Variants in NUP88 observed in about 807,000 individuals in gnomAD.
NUP88 encodes the protein nuclear pore complex protein Nup88.
Under a neutral mutation model 93.9 loss-of-function variants are expected in NUP88, and 57 were observed. The observed-to-expected ratio is 0.61, with a 90% CI of 0.49 to 0.76. NUP88 has a LOEUF of 0.76. Ranked by LOEUF, NUP88 falls within the 30% of genes least tolerant of loss-of-function variation. The probability of loss-of-function intolerance (pLI) is 0.00; values close to 1 mark genes in which losing one functional copy is unlikely to be tolerated. For synonymous variants in NUP88, 346 were observed against 336.8 expected, an observed-to-expected ratio of 1.03 and a Z score of -0.30; for missense variants, 911 against 901.0, an observed-to-expected ratio of 1.01 and a Z score of -0.14.
chr17:5,387,791 T>G lies in NUP88; in HGVS notation c.1757A>C (p.Glu586Ala). The change falls in exon 12 of 17, where the codon GAG becomes GCG. Residue 586 changes from glutamate (E) to alanine (A), a missense_variant. Transcript: ENST00000573584. ...YILKQDLAKE[E>A]IQRRVKLLCD... ...CAGGACATCATACCTCCGCTGAATCTCCTCCTTTGCCAAGTCCTGTTTGAG... is the reference window on the plus strand; with the variant it reads ...CAGGACATCATACCTCCGCTGAATCGCCTCCTTTGCCAAGTCCTGTTTGAG... The G allele has an allele frequency of 1.9e-6, 3 of 1,612,332 alleles. No individual in the cohort carries two copies. Among genetic ancestry groups the G allele is most frequent in the Non-Finnish European group, 2.5e-6 (3 of 1,179,358 alleles).
At chr17:5,390,921 C>T (rs1440237246) in intron 10 of NUP88, among the ~76,000 whole-genome samples, 2 of 152,124 alleles carry the variant, frequency 1.3e-5, no homozygotes, top group African/African-American at 4.8e-5. Context: ...ATCTCGAACT[C>T]TGGGCCTCCC....
At chr17:5,394,668 G>A (rs1286567195) in intron 9 of NUP88, among the ~76,000 whole-genome samples, 1 of 152,070 alleles carries the variant, frequency 6.6e-6, no homozygotes, top group African/African-American at 2.4e-5. Flanking sequence ...CTGGGGCTGG[G>A]GCTGGGGAAG....
intron 16 of NUP88, 46 bp downstream of exon 16, chr17:5,386,662 G>A (rs757885962): frequency 1.5e-6 from 2 of 1,294,480 alleles, no homozygotes; most frequent in Non-Finnish European, 2.2e-6. Flanking sequence ...ATACTGTAAA[G>A]GAAAAACTAT....
chr17:5,386,028 C>A lies in NUP88; in HGVS notation c.*178G>T, dbSNP rs1168920109. On this transcript the variant is annotated 3_prime_UTR_variant, in exon 17 of 17. Transcript: ENST00000573584. ...GTAGGCTTGAGTTATAAAGCACATTCCAAATTTTAAATAAAAGCATTTACT... is the reference window on the plus strand; with the variant it reads ...GTAGGCTTGAGTTATAAAGCACATTACAAATTTTAAATAAAAGCATTTACT... The A allele has an allele frequency of 1.8e-6, 1 of 553,496 alleles. No individual in the cohort carries two copies. The highest frequency in any genetic ancestry group is 2.8e-5 in the South Asian group (1 of 35,984). The allele number at this position is 553,496 out of a possible 1,614,324, so 34.3% of individuals were successfully genotyped here. A position where few individuals can be genotyped will look rare whatever the true frequency, so the allele number is the denominator to read the frequency against.
intron 7 of NUP88, among the ~76,000 whole-genome samples, chr17:5,400,321 A>C (rs933508256): frequency 5.3e-5 from 8 of 151,778 alleles, no homozygotes; most frequent in Non-Finnish European, 1.2e-4. Flanking sequence ...ACATGGTGAA[A>C]ACCCGTCTCT....
chr17:5,418,144 C>CA lies in NUP88; in HGVS notation c.297+1209dup, dbSNP rs112597300. On this transcript the variant is annotated intron_variant, in intron 1 of 16. Coordinates refer to ENST00000573584, the MANE Select transcript of NUP88 (RefSeq NM_002532.6). ...GGGCAACAAGAGCGAAACTCCATCT[C>CA]AAAAAAAAAAAAAAGACACAAAATA... is the stretch of plus-strand genomic sequence containing the variant. The CA allele has an allele frequency of 1.9e-3, 239 of 122,720 alleles. 1 individual carries two copies. The highest frequency in any genetic ancestry group is 4.6e-3 in the Admixed American group (55 of 12,068). The allele number at this position is 122,720 out of a possible 1,614,324, so 7.6% of individuals were successfully genotyped here.
At chr17:5,395,150 C>T (rs913349980) in intron 8 of NUP88, among the ~76,000 whole-genome samples, 169 bp from the exon 9 acceptor site, 6 of 152,128 alleles carry the variant, frequency 3.9e-5, no homozygotes, top group African/African-American at 1.4e-4. Flanking sequence ...TCTAGATTTC[C>T]GCCCCAAGAA....
chr17:5,412,742 T>C (rs1328398746), intron 3 of NUP88, among the ~76,000 whole-genome samples: 2 of 151,162 alleles, frequency 1.3e-5, no homozygotes, highest in African/African-American at 2.4e-5. Context: ...TGGAACGAGA[T>C]TCAAACAAGA....
Position 5,386,677 on chromosome 17 carries a change from CGATAATAGCTGAT to C in NUP88, c.2162+18_2162+30del. 7.2e-7 allele frequency: 1 copy of C among 1,384,016 alleles called. No homozygotes were observed. The highest frequency in any genetic ancestry group is 1.2e-5 in the South Asian group (1 of 85,972). 85.7% of individuals were successfully genotyped at this position (1,384,016 alleles called of 1,614,324 possible). A position where few individuals can be genotyped will look rare whatever the true frequency, so the allele number is the denominator to read the frequency against. On this transcript the variant is annotated intron_variant, in intron 16 of 16. Transcript: ENST00000573584. ...ATACTGTAAAGGAAAAACTATCTCA[CGATAATAGCTGAT>C]TGGAAGTATTTACTTACTCCTCTTT...
At position 5,419,467 on chromosome 17, in the gene NUP88, A is replaced by C. The variant is rs184554383; in HGVS notation, c.184T>G (p.Phe62Val). The stretch of plus-strand genomic sequence containing the variant: ...AGGAAAAGCTCTCCGCCGAGGCCAA[A>C]GACCACGTTTCTCGTCAGCAACTGC... ...PPQLLTRNVV[F>V]GLGGELFLWD... Residue 62 changes from phenylalanine to valine, a missense_variant, in exon 1 of 17, where the codon TTT becomes GTT. Coordinates refer to ENST00000573584, the MANE Select transcript of NUP88 (RefSeq NM_002532.6). 24 of 1,614,036 alleles carry C rather than the reference A, an allele frequency of 1.5e-5. No homozygotes were observed. In the Admixed American group the frequency reaches 3.8e-4, roughly 26 times the overall value.
At chr17:5,401,125 T>C (rs1273411935) in intron 7 of NUP88, among the ~76,000 whole-genome samples, 1 of 152,144 alleles carries the variant, frequency 6.6e-6, no homozygotes, top group African/African-American at 2.4e-5. Context: ...GGCTCACGCC[T>C]GTAATCCCAG....
At chr17:5,390,712 T>G (rs1193162802) in intron 10 of NUP88, among the ~76,000 whole-genome samples, 4 of 152,164 alleles carry the variant, frequency 2.6e-5, no homozygotes, top group South Asian at 2.1e-4. Context: ...TTTTGTTTTT[T>G]TTTTTAAAAG....
intron 5 of NUP88, among the ~76,000 whole-genome samples, chr17:5,408,238 G>C (rs1913609454): frequency 6.6e-6 from 1 of 152,126 alleles, no homozygotes; most frequent in Non-Finnish European, 1.5e-5. Context: ...TCCTGAATGA[G>C]ACCTTTAAGT....
At chr17:5,388,446 C>T in intron 11 of NUP88, 1 of 152,568 alleles carries the variant, frequency 6.6e-6, no homozygotes, top group Non-Finnish European at 1.4e-5. Context: ...CCACCACACC[C>T]AGCTAATTTT....
intron 4 of NUP88, among the ~76,000 whole-genome samples, chr17:5,409,374 CAAA>C (rs10611297): frequency 0.03 from 3,032 of 99,674 alleles, 32 homozygotes; most frequent in Middle Eastern, 0.084. Context: ...AACTCCGTCT[CAAA>C]AAAAAAAAAA....
intron 1 of NUP88, 47 bp downstream of exon 1, chr17:5,419,306 TG>T: frequency 6.6e-7 from 1 of 1,504,174 alleles, no homozygotes; most frequent in Non-Finnish European, 8.9e-7. Flanking sequence ...CAAAAAAGAC[TG>T]GTTCCGATCC....
intron 1 of NUP88, among the ~76,000 whole-genome samples, chr17:5,417,261 C>T (rs1409814962): frequency 6.6e-6 from 1 of 152,156 alleles, no homozygotes; most frequent in Non-Finnish European, 1.5e-5. Context: ...TTACTGAAAG[C>T]TTATAAATTC....
chr17:5,410,568 T>C, intron 4 of NUP88, 135 bp downstream of exon 4: 1 of 628,922 alleles, frequency 1.6e-6, no homozygotes, highest in Non-Finnish European at 2.8e-6. Flanking sequence ...CCTGTTCTAC[T>C]AAAAATACAC....
intron 8 of NUP88, among the ~76,000 whole-genome samples, chr17:5,395,581 C>T (rs1015576574): frequency 4.6e-5 from 7 of 151,058 alleles, no homozygotes; most frequent in Non-Finnish European, 7.4e-5. Context: ...CAGGCTGGAG[C>T]GCAGTGGCCC....
Sources: gnomAD v4.1 joint callset for allele counts (sites outside exome capture counted in the v4.1 genomes callset) on GRCh38, gnomAD v4.1.1 for gene constraint, MANE v1.5 for transcripts, NCBI Gene and HGNC (gene_info 2026-07-23, HGNC 2026-07-21) for gene names.